The following LUZP2 variants were observed in gnomAD, a reference collection of about 807,000 sequenced individuals.
LUZP2 encodes the protein leucine zipper protein 2.
A neutral mutation model predicts 51.6 loss-of-function variants in LUZP2; 52 were observed. The ratio of observed to expected loss-of-function variants is 1.01; its 90% CI spans 0.81 to 1.27. The LOEUF is 1.27. Among genes scored for constraint, LUZP2 ranks in the 50% most tolerant of loss-of-function variants. The pLI, the probability that LUZP2 is intolerant of heterozygous loss-of-function variation, is 0.00. For missense variants in LUZP2, 436 were observed against 395.4 expected, an observed-to-expected ratio of 1.10 and a Z score of -0.87; for synonymous variants, 154 against 137.3, an observed-to-expected ratio of 1.12 and a Z score of -0.85.
At position 24,519,748 on chromosome 11, in the gene LUZP2, C is replaced by T. The variant is rs68071150; in HGVS notation, c.62+22443C>T. ...CACTTCAGATTTTAGTAAATTATTG[C>T]CATGTCAATATAGTTGCATTCTAAT... On this transcript the variant is annotated intron_variant, in intron 1 of 11. Transcript: ENST00000336930. 8.4e-3 allele frequency among the ~76,000 whole-genome samples: 1,273 copies of T among 152,194 alleles called. 13 individuals carry two copies. The highest frequency in any genetic ancestry group is 0.02 in the Middle Eastern group (6 of 294).
chr11:24,825,307 A>G (rs1169245445), intron 5 of LUZP2, among the ~76,000 whole-genome samples: 1 of 152,228 alleles, frequency 6.6e-6, no homozygotes, highest in Non-Finnish European at 1.5e-5. Context: ...TATTGTCACA[A>G]TATAGCTTTC....
At chr11:24,565,235 A>T (rs1470766180) in intron 1 of LUZP2, among the ~76,000 whole-genome samples, 2 of 152,134 alleles carry the variant, frequency 1.3e-5, no homozygotes, top group Non-Finnish European at 2.9e-5. Context: ...GGCTTGATGT[A>T]TATACTGGCC....
At chr11:24,556,108 T>G (rs1851862702) in intron 1 of LUZP2, among the ~76,000 whole-genome samples, 1 of 152,210 alleles carries the variant, frequency 6.6e-6, no homozygotes, top group Non-Finnish European at 1.5e-5. Flanking sequence ...CTTTTTCAAC[T>G]GAAAAACACC....
chr11:24,668,553 T>G (rs10834420), intron 1 of LUZP2, among the ~76,000 whole-genome samples: 2 of 151,856 alleles, frequency 1.3e-5, no homozygotes, highest in Non-Finnish European at 2.9e-5. Context: ...ACTGAGCAAA[T>G]TGGGACCATG....
chr11:24,963,556 G>A (rs1855485599), intron 7 of LUZP2, among the ~76,000 whole-genome samples: 1 of 152,058 alleles, frequency 6.6e-6, no homozygotes. Flanking sequence ...CGTGGGCATA[G>A]GACCCTCCGA....
At chr11:24,612,976 AGCAGTTAC>A in intron 1 of LUZP2, among the ~76,000 whole-genome samples, 1 of 152,110 alleles carries the variant, frequency 6.6e-6, no homozygotes, top group South Asian at 2.1e-4. Context: ...TTAGCAAACA[AGCAGTTAC>A]AGCATCTTTG....
At chr11:24,619,288 C>A (rs952366186) in intron 1 of LUZP2, among the ~76,000 whole-genome samples, 1 of 152,134 alleles carries the variant, frequency 6.6e-6, no homozygotes, top group African/African-American at 2.4e-5. Context: ...CCTGCCTCAG[C>A]CTCCCAAAAT....
chr11:24,963,654 C>T (rs1855489400), intron 7 of LUZP2, among the ~76,000 whole-genome samples: 1 of 152,146 alleles, frequency 6.6e-6, no homozygotes, highest in Non-Finnish European at 1.5e-5. Context: ...CCCGATTTTC[C>T]AGGTGCTGTC....
intron 1 of LUZP2, among the ~76,000 whole-genome samples, chr11:24,532,025 A>G (rs1428347692): frequency 6.6e-6 from 1 of 151,038 alleles, no homozygotes; most frequent in African/African-American, 2.4e-5. Flanking sequence ...TTTAATATTG[A>G]TTATGAACAC....
intron 1 of LUZP2, among the ~76,000 whole-genome samples, chr11:24,605,291 T>G (rs767608079): frequency 4.0e-5 from 6 of 151,828 alleles, no homozygotes; most frequent in Non-Finnish European, 8.9e-5. Context: ...ACATGTCCTC[T>G]AATTAAACTC....
intron 1 of LUZP2, among the ~76,000 whole-genome samples, chr11:24,560,357 A>G (rs1230308778): frequency 1.3e-5 from 2 of 152,214 alleles, no homozygotes; most frequent in Non-Finnish European, 2.9e-5. Context: ...GCAAATACAA[A>G]TAACGCTTGA....
chr11:24,583,992 G>A (rs1852970653), intron 1 of LUZP2, among the ~76,000 whole-genome samples: 1 of 151,918 alleles, frequency 6.6e-6, no homozygotes, highest in Admixed American at 6.6e-5. Context: ...GATTACAGGC[G>A]TGAGCCACCG....
intron 1 of LUZP2, among the ~76,000 whole-genome samples, chr11:24,607,896 T>G (rs967596375): frequency 1.3e-5 from 2 of 152,090 alleles, no homozygotes; most frequent in Admixed American, 1.3e-4. Flanking sequence ...TCACCCAGGC[T>G]GGAGTGCAGT....
chr11:24,785,196 A>G (rs1849208631), intron 5 of LUZP2, among the ~76,000 whole-genome samples: 1 of 152,052 alleles, frequency 6.6e-6, no homozygotes, highest in South Asian at 2.1e-4. Context: ...TTTAGTACAC[A>G]TATCTATATT....
At chr11:24,907,383 A>G (rs1047998064) in intron 6 of LUZP2, among the ~76,000 whole-genome samples, 6 of 152,034 alleles carry the variant, frequency 3.9e-5, no homozygotes, top group African/African-American at 9.6e-5. Context: ...CTATAATATT[A>G]TATATGGCAT....
rs574948665 is a variant in LUZP2 at position 24,725,933 on chromosome 11, C to CA, written c.63-3235dup. 1.8e-3 allele frequency among the ~76,000 whole-genome samples: 277 copies of CA among 152,188 alleles called. 1 individual carries two copies. Among genetic ancestry groups the CA allele is most frequent in the Non-Finnish European group, 2.9e-3 (200 of 67,996 alleles). On this transcript the variant is annotated intron_variant, in intron 1 of 11. Coordinates refer to ENST00000336930, the MANE Select transcript of LUZP2 (RefSeq NM_001009909.4). Reference sequence around the variant, plus strand: ...GCTGTGGAGAGACATAAGGAGAAGACAGCCATTTGCAAGCTGATGAGAGAG... The same window carrying CA: ...GCTGTGGAGAGACATAAGGAGAAGACAAGCCATTTGCAAGCTGATGAGAGAG...
intron 1 of LUZP2, among the ~76,000 whole-genome samples, chr11:24,618,811 G>T (rs4503525): frequency 0.36 from 53,902 of 151,778 alleles, 9,723 homozygotes; most frequent in Middle Eastern, 0.43. Context: ...GGACCTCTAT[G>T]CCAATGTTTT....
chr11:24,573,895 A>G (rs1486458962), intron 1 of LUZP2, among the ~76,000 whole-genome samples: 1 of 151,562 alleles, frequency 6.6e-6, no homozygotes, highest in Non-Finnish European at 1.5e-5. Flanking sequence ...TATTATTATT[A>G]TACTTTAAGT....
intron 7 of LUZP2, among the ~76,000 whole-genome samples, chr11:24,944,527 G>C (rs1854849030): frequency 6.6e-6 from 1 of 152,164 alleles, no homozygotes; most frequent in Non-Finnish European, 1.5e-5. Context: ...ATCCAGTAGA[G>C]AGTAGAAAAA....
Sources: allele counts gnomAD v4.1 joint callset (sites outside exome capture counted in the v4.1 genomes callset), GRCh38; gene constraint gnomAD v4.1.1; transcripts MANE v1.5; gene names NCBI Gene and HGNC (gene_info 2026-07-23, HGNC 2026-07-21).